The following KIRREL1 variants were observed in gnomAD, a reference collection of about 807,000 sequenced individuals.
KIRREL1 encodes the protein kirre like nephrin family adhesion molecule 1.
Under a neutral mutation model 83.3 loss-of-function variants are expected in KIRREL1, and 25 were observed. The observed-to-expected ratio is 0.30, with a 90% CI of 0.22 to 0.42. KIRREL1 has a LOEUF of 0.42. Ranked by LOEUF, KIRREL1 falls within the 10% of genes least tolerant of loss-of-function variation. The pLI, the probability that KIRREL1 is intolerant of heterozygous loss-of-function variation, is 1.00. For synonymous variants in KIRREL1, 388 were observed against 410.4 expected (o/e 0.95, Z 0.66); for missense variants, 812 against 1,032.3 (o/e 0.79, Z 2.92).
chr1:158,055,639 T>C (rs1661035597), intron 1 of KIRREL1, among the ~76,000 whole-genome samples: 1 of 152,208 alleles, frequency 6.6e-6, no homozygotes, highest in Non-Finnish European at 1.5e-5. Context: ...GAAAGTCATG[T>C]AATTATGAGC....
chr1:158,045,192 T>C (rs866800887), intron 1 of KIRREL1, among the ~76,000 whole-genome samples: 1 of 152,194 alleles, frequency 6.6e-6, no homozygotes, highest in Non-Finnish European at 1.5e-5. Context: ...GGAGTGTGCC[T>C]GCACATGTGC....
At chr1:158,011,659 G>A (rs1433094113) in intron 1 of KIRREL1, among the ~76,000 whole-genome samples, 6 of 152,220 alleles carry the variant, frequency 3.9e-5, no homozygotes, top group Non-Finnish European at 5.9e-5. Flanking sequence ...GAGATGGGAT[G>A]GGGGATTCCA....
chr1:158,029,534 G>A (rs568334035), intron 1 of KIRREL1, among the ~76,000 whole-genome samples: 66 of 152,236 alleles, frequency 4.3e-4, no homozygotes, highest in Admixed American at 1.2e-3. Flanking sequence ...ATAATGATGG[G>A]GAAACTTTTA....
intron 1 of KIRREL1, among the ~76,000 whole-genome samples, chr1:158,008,774 C>A (rs931853426): frequency 6.6e-6 from 1 of 152,166 alleles, no homozygotes; most frequent in Non-Finnish European, 1.5e-5. Flanking sequence ...ATGAAGAAAA[C>A]CATGGCTCAG....
intron 1 of KIRREL1, among the ~76,000 whole-genome samples, chr1:158,001,249 G>A (rs1451679369): frequency 1.3e-5 from 2 of 152,176 alleles, no homozygotes; most frequent in East Asian, 3.9e-4. Context: ...TGTGTGCTGG[G>A]CTCCAGTGTT....
intron 6 of KIRREL1, 44 bp from the exon 7 acceptor site, chr1:158,087,962 G>A: frequency 6.2e-7 from 1 of 1,612,500 alleles, no homozygotes; most frequent in Middle Eastern, 1.7e-4. Context: ...GTAGTTGAGA[G>A]GGTCTGAGGC....
intron 5 of KIRREL1, 132 bp downstream of exon 5, chr1:158,086,878 T>G: frequency 1.3e-6 from 1 of 796,606 alleles, no homozygotes; most frequent in Non-Finnish European, 2.0e-6. Flanking sequence ...CTTGCCTTCT[T>G]CACATCTTTC....
At chr1:158,011,923 C>G (rs1340406692) in intron 1 of KIRREL1, among the ~76,000 whole-genome samples, 3 of 152,110 alleles carry the variant, frequency 2.0e-5, no homozygotes, top group Admixed American at 2.0e-4. Context: ...GCTCTTCCCC[C>G]TCAATGTTGA....
At chr1:158,055,507 A>C (rs1294856959) in intron 1 of KIRREL1, among the ~76,000 whole-genome samples, 10 of 152,184 alleles carry the variant, frequency 6.6e-5, no homozygotes, top group Admixed American at 5.9e-4. Flanking sequence ...CCCCAACCTC[A>C]TGGGCAAGAG....
chr1:158,097,084 A>G lies in KIRREL1; in HGVS notation c.*1964A>G. ...ATCCTCCTTCATTTCAGCAGGGAAA[A>G]CTCCTGTGGAGTGGGCCCTATCTGG... On this transcript the variant is annotated 3_prime_UTR_variant, in exon 15 of 15. Coordinates refer to ENST00000359209, the MANE Select transcript of KIRREL1 (RefSeq NM_018240.7). The G allele has an allele frequency of 2.2e-6, 1 of 455,758 alleles. No individual in the cohort carries two copies. Among genetic ancestry groups the G allele is most frequent in the Non-Finnish European group, 4.4e-6 (1 of 226,730 alleles). The allele number at this position is 455,758 out of a possible 1,614,324, so 28.2% of individuals were successfully genotyped here.
rs1299241958 is a variant in KIRREL1 at position 158,076,180 on chromosome 1, C to G, written c.120C>G (p.Leu40=). The G allele has an allele frequency of 6.2e-7, 1 of 1,614,050 alleles. No individual in the cohort carries two copies. The highest frequency in any genetic ancestry group is 1.1e-5 in the South Asian group (1 of 91,084). The change falls in exon 2 of 15, where the codon CTC becomes CTG. Residue 40 remains leucine, a synonymous_variant. Coordinates refer to ENST00000359209, the MANE Select transcript of KIRREL1 (RefSeq NM_018240.7). Reference sequence around the variant, plus strand: ...TGGTGGCTGGACAGCGGGCCGTGCTCCCCTGTGTGCTGCTCAACTACTCTG... The same window carrying G: ...TGGTGGCTGGACAGCGGGCCGTGCTGCCCTGTGTGCTGCTCAACTACTCTG... ...QTVVAGQRAV[L]PCVLLNYSGI... is the part of the protein sequence containing the mutation.
At position 158,095,093 on chromosome 1, in the gene KIRREL1, C is replaced by T. The variant is rs1260714170; in HGVS notation, c.2247C>T (p.Phe749=). 6.2e-7 allele frequency: 1 copy of T among 1,606,260 alleles called. No homozygotes were observed. The highest frequency in any genetic ancestry group is 2.2e-5 in the East Asian group (1 of 44,728). The change falls in exon 15 of 15, where the codon TTC becomes TTT. Residue 749 remains phenylalanine, a synonymous_variant. Coordinates refer to ENST00000359209, the MANE Select transcript of KIRREL1 (RefSeq NM_018240.7). The stretch of plus-strand genomic sequence containing the variant: ...AGCACTCGGACTACGGCCAGCGATT[C>T]CAGCAGCGCATGCAGACTCACGTGT... ...TSQHSDYGQR[F]QQRMQTHV is the part of the protein sequence containing the mutation.
chr1:158,069,270 A>G (rs1392955196), intron 1 of KIRREL1, among the ~76,000 whole-genome samples: 1 of 150,818 alleles, frequency 6.6e-6, no homozygotes, highest in Non-Finnish European at 1.5e-5. Context: ...GTGTTATGGT[A>G]CATGTGTCCC....
intron 1 of KIRREL1, among the ~76,000 whole-genome samples, chr1:157,993,986 C>T (rs1246964748): frequency 6.6e-6 from 1 of 152,230 alleles, no homozygotes; most frequent in African/African-American, 2.4e-5. Flanking sequence ...AGCAATGGGG[C>T]CGCGAGGGCT....
Position 158,096,551 on chromosome 1 carries a change from A to T in KIRREL1, c.*1431A>T, listed in dbSNP as rs1251919265. ...ATGGGTGAGGGGACCTGGAGAGGTA[A>T]GGGGCCTGGAAATGGCCCTGACAGA... is the stretch of plus-strand genomic sequence containing the variant. On this transcript the variant is annotated 3_prime_UTR_variant, in exon 15 of 15. Coordinates refer to ENST00000359209, the MANE Select transcript of KIRREL1 (RefSeq NM_018240.7). The T allele has an allele frequency of 2.2e-6, 1 of 456,900 alleles. No individual in the cohort carries two copies. Among genetic ancestry groups the T allele is most frequent in the South Asian group, 1.5e-5 (1 of 64,538 alleles). The allele number at this position is 456,900 out of a possible 1,614,324, so 28.3% of individuals were successfully genotyped here. A position where few individuals can be genotyped will look rare whatever the true frequency, so the allele number is the denominator to read the frequency against.
intron 6 of KIRREL1, 61 bp downstream of exon 6, chr1:158,087,921 G>A (rs1027073388): frequency 7.5e-6 from 12 of 1,607,432 alleles, no homozygotes; most frequent in Non-Finnish European, 9.4e-6. Flanking sequence ...CGGGGTTAGA[G>A]GCTGTACTGG....
At chr1:158,084,301 T>C (rs1229968495) in intron 3 of KIRREL1, 121 bp from the exon 4 acceptor site, 5 of 879,902 alleles carry the variant, frequency 5.7e-6, no homozygotes, top group Non-Finnish European at 8.6e-6. Flanking sequence ...GGGGGTAGGG[T>C]GGTACCGCCT....
chr1:158,070,664 C>A (rs1189708556), intron 1 of KIRREL1, among the ~76,000 whole-genome samples: 2 of 152,110 alleles, frequency 1.3e-5, no homozygotes, highest in Non-Finnish European at 2.9e-5. Flanking sequence ...GGAATGATTC[C>A]CAGTCTGAGG....
chr1:158,026,663 TC>T (rs1660181180), intron 1 of KIRREL1, among the ~76,000 whole-genome samples: 1 of 151,912 alleles, frequency 6.6e-6, no homozygotes, highest in South Asian at 2.1e-4. Context: ...TTCCCAATGA[TC>T]CTATGAGGTA....
Sources: allele counts gnomAD v4.1 joint callset (sites outside exome capture counted in the v4.1 genomes callset), GRCh38; gene constraint gnomAD v4.1.1; transcripts MANE v1.5; gene names NCBI Gene and HGNC (gene_info 2026-07-23, HGNC 2026-07-21).